COL5A2: variants seen among roughly 807,000 people sequenced by gnomAD.
The protein encoded by COL5A2 is collagen type V alpha 2 chain, also known as collagen alpha-2(V) chain.
In COL5A2, 23 loss-of-function variants were observed where a neutral mutation model predicts 208.2. That is an observed-to-expected ratio of 0.11 (90% CI 0.08 to 0.16). COL5A2 has a LOEUF of 0.16. COL5A2 is among the 10% of genes least tolerant of loss of function. The pLI is 1.00. For missense variants in COL5A2, 1,590 were observed against 1,956.4 expected (o/e 0.81, Z 3.53); for synonymous variants, 625 against 628.5 (o/e 0.99, Z 0.08).
At chr2:189,421,227 C>T in the COL5A2 span, among the ~76,000 whole-genome samples, 1 of 152,118 alleles carries the variant, frequency 6.6e-6, no homozygotes, top group Non-Finnish European at 1.5e-5. Flanking sequence ...TTATCTCTCT[C>T]CTGCTCTCAA....
chr2:189,208,310 A>C (rs1452947658), intron 1 of COL5A2, among the ~76,000 whole-genome samples: 1 of 152,240 alleles, frequency 6.6e-6, no homozygotes, highest in African/African-American at 2.4e-5. Context: ...TGTCCATTAC[A>C]TAATAAGGAG....
At chr2:189,182,165 A>G (rs1436174439), upstream of COL5A2, among the ~76,000 whole-genome samples, 1 of 152,202 alleles carries the variant, frequency 6.6e-6, no homozygotes, top group Non-Finnish European at 1.5e-5. Context: ...AGAATAGAGG[A>G]CAATGCCATT....
At chr2:189,297,069 G>A in the COL5A2 span, among the ~76,000 whole-genome samples, 4 of 152,232 alleles carry the variant, frequency 2.6e-5, no homozygotes, top group Admixed American at 6.5e-5. Flanking sequence ...CCATATAAAC[G>A]TTGATCTCAA....
chr2:189,084,208 T>G (rs896974745), intron 11 of COL5A2, among the ~76,000 whole-genome samples, 171 bp from the exon 12 acceptor site: 2 of 152,218 alleles, frequency 1.3e-5, no homozygotes, highest in African/African-American at 4.8e-5. Context: ...TTCCTTATAT[T>G]CCTGATAGTA....
the COL5A2 span, among the ~76,000 whole-genome samples, chr2:189,307,187 A>C: frequency 2.0e-5 from 3 of 152,178 alleles, no homozygotes; most frequent in Non-Finnish European, 2.9e-5. Context: ...TAATTCATTT[A>C]GTATTTATTT....
At chr2:189,425,837 T>C in the COL5A2 span, among the ~76,000 whole-genome samples, 3 of 152,154 alleles carry the variant, frequency 2.0e-5, no homozygotes, top group Non-Finnish European at 4.4e-5. Flanking sequence ...GCTCCTGCCA[T>C]GTAAGATGCC....
At chr2:189,066,814 C>A in intron 21 of COL5A2, 32 bp from the exon 22 acceptor site, 2 of 1,565,452 alleles carry the variant, frequency 1.3e-6, no homozygotes, top group Non-Finnish European at 1.8e-6. Flanking sequence ...TTGTAAGAAC[C>A]AGGACATTTA....
the COL5A2 span, among the ~76,000 whole-genome samples, chr2:189,301,350 A>C: frequency 6.6e-6 from 1 of 152,326 alleles, no homozygotes; most frequent in East Asian, 1.9e-4. Flanking sequence ...CACTTAAACC[A>C]CTTAAAGCCA....
At chr2:189,313,812 G>T in the COL5A2 span, among the ~76,000 whole-genome samples, 1 of 152,082 alleles carries the variant, frequency 6.6e-6, no homozygotes, top group African/African-American at 2.4e-5. Context: ...TGACAAAACA[G>T]ACTTTAAACC....
chr2:189,148,278 T>C (rs1354824354), intron 1 of COL5A2, among the ~76,000 whole-genome samples: 1 of 152,122 alleles, frequency 6.6e-6, no homozygotes, highest in Non-Finnish European at 1.5e-5. Context: ...AATATGCATA[T>C]ATATAGTAGT....
At chr2:189,216,316 G>C (rs1308703322) in intron 1 of COL5A2, among the ~76,000 whole-genome samples, 1 of 151,986 alleles carries the variant, frequency 6.6e-6, no homozygotes, top group Admixed American at 6.6e-5. Context: ...CTTTAGCCTG[G>C]GAATTCCATA....
In COL5A2 at chr2:189,217,503, T is replaced by TTG. The variant is rs111881864; in HGVS notation, c.-42+7643_-42+7644dup. 1.6e-3 allele frequency among the ~76,000 whole-genome samples: 246 copies of TTG among 151,090 alleles called. 3 individuals carry two copies. In the Middle Eastern group the frequency reaches 0.021, roughly 13 times the overall value. Reference sequence around the variant, plus strand: ...ACACTTACTTTTGATTTAGTGAGATTTGTGTGTGTGTGTGTGTGGTTCACA... The same window carrying TTG: ...ACACTTACTTTTGATTTAGTGAGATTTGTGTGTGTGTGTGTGTGTGGTTCACA... On this transcript the variant is annotated intron_variant, in intron 1 of 10. Transcript: ENST00000649966.
At chr2:189,356,632 T>G in the COL5A2 span, among the ~76,000 whole-genome samples, 3 of 152,202 alleles carry the variant, frequency 2.0e-5, no homozygotes, top group Non-Finnish European at 4.4e-5. Flanking sequence ...TAGCAATTCA[T>G]CTAACCTTTT....
chr2:189,403,650 G>T, the COL5A2 span, among the ~76,000 whole-genome samples: 1 of 152,088 alleles, frequency 6.6e-6, no homozygotes, highest in African/African-American at 2.4e-5. Context: ...TTTATTGAAG[G>T]CCTTTCTGCA....
the COL5A2 span, among the ~76,000 whole-genome samples, chr2:189,411,660 AC>A: frequency 1.7e-4 from 17 of 98,022 alleles, 1 homozygote; most frequent in South Asian, 4.7e-3. Flanking sequence ...TCAACATCTG[AC>A]TATTACTGCA....
At chr2:189,426,992 C>T in the COL5A2 span, among the ~76,000 whole-genome samples, 1 of 152,250 alleles carries the variant, frequency 6.6e-6, no homozygotes. Flanking sequence ...GGAATTGAAG[C>T]AGCCTGCAGA....
chr2:189,222,868 T>G (rs974247583), intron 1 of COL5A2, among the ~76,000 whole-genome samples: 2 of 152,156 alleles, frequency 1.3e-5, no homozygotes, highest in African/African-American at 2.4e-5. Context: ...GAAAAATAGA[T>G]CTCAAGACTA....
At chr2:189,052,149 C>A in intron 41 of COL5A2, 23 bp downstream of exon 41, 1 of 1,605,990 alleles carries the variant, frequency 6.2e-7, no homozygotes. Flanking sequence ...TTATCAGTGA[C>A]TTGTCTCACT....
At chr2:189,191,777 AT>A (rs528786568) in intron 1 of COL5A2, among the ~76,000 whole-genome samples, 1 of 151,946 alleles carries the variant, frequency 6.6e-6, no homozygotes, top group Non-Finnish European at 1.5e-5. Flanking sequence ...GAGTACTTTT[AT>A]TTTTTTATGA....
Sources: gnomAD v4.1 joint callset for allele counts (sites outside exome capture counted in the v4.1 genomes callset) on GRCh38, gnomAD v4.1.1 for gene constraint, MANE v1.5 for transcripts, NCBI Gene and HGNC (gene_info 2026-07-23, HGNC 2026-07-21) for gene names.